The following OR2L2 variants were observed in gnomAD, a reference collection of about 807,000 sequenced individuals.
OR2L2 encodes the protein olfactory receptor family 2 subfamily L member 2.
For synonymous variants in OR2L2, 156 were observed against 135.4 expected (o/e 1.15, Z -1.06); for missense variants, 378 against 375.2 (o/e 1.01, Z -0.06).
intron 1 of OR2L2, among the ~76,000 whole-genome samples, chr1:248,031,245 T>C (rs1181991432): frequency 6.6e-6 from 1 of 152,212 alleles, no homozygotes; most frequent in Non-Finnish European, 1.5e-5. Context: ...GCTCTATTTT[T>C]TCTAACAATA....
chr1:248,031,256 A>G (rs1404769686), intron 1 of OR2L2, among the ~76,000 whole-genome samples: 1 of 152,188 alleles, frequency 6.6e-6, no homozygotes, highest in African/African-American at 2.4e-5. Flanking sequence ...TCTAACAATA[A>G]TATTATATGG....
In OR2L2 at chr1:248,038,410, TC is replaced by T. The variant is rs748543203; in HGVS notation, c.144del (p.Leu50TrpfsTer21). The T allele has an allele frequency of 9.3e-6, 15 of 1,613,730 alleles. No individual in the cohort carries two copies. The highest frequency in any genetic ancestry group is 1.3e-5 in the Non-Finnish European group (15 of 1,179,752). ...LIGNLSMILL[I>X]FLDIHLHTPM... is the part of the protein sequence containing the mutation. ...GGAAATCTATCCATGATTCTTCTCA[TC>T]TTTTTGGACATCCATCTCCACACAC... On this transcript the variant is annotated frameshift_variant, in exon 3 of 3. Coordinates refer to ENST00000641771, the MANE Select transcript of OR2L2 (RefSeq NM_001385855.1). LOFTEE classifies it low-confidence loss of function (END_TRUNC).
intron 1 of OR2L2, among the ~76,000 whole-genome samples, chr1:248,033,824 A>G (rs376202811): frequency 6.6e-6 from 1 of 152,128 alleles, no homozygotes. Context: ...TGGAAGTGGA[A>G]AAATTCAAGG....
Position 248,038,612 on chromosome 1 carries a change from A to G in OR2L2, c.345A>G (p.Thr115=), listed in dbSNP as rs368766017. 9.3e-6 allele frequency: 15 copies of G among 1,614,050 alleles called. No individual in the cohort carries two copies. The highest frequency in any genetic ancestry group is 2.2e-5 in the South Asian group (2 of 91,080). The change falls in exon 3 of 3, where the codon ACA becomes ACG. Residue 115 remains threonine, a synonymous_variant. Coordinates refer to ENST00000641771, the MANE Select transcript of OR2L2 (RefSeq NM_001385855.1). ...TLAVAEGLLL[T]SMAYDRYVAI... is the part of the protein sequence containing the mutation. ...CAGTTGCAGAAGGGCTGCTCCTGACATCAATGGCCTATGATCGTTATGTGG... is the reference window on the plus strand; with the variant it reads ...CAGTTGCAGAAGGGCTGCTCCTGACGTCAATGGCCTATGATCGTTATGTGG...
Position 248,038,905 on chromosome 1 carries a change from T to C in OR2L2, c.638T>C (p.Ile213Thr). ...TIFLVLPFTG[I>T]ACSYGRVLLA... is the part of the protein sequence containing the mutation. ...TTTCTTGTGCTTCCTTTCACTGGTA[T>C]TGCATGTTCCTATGGCCGGGTTCTC... The change falls in exon 3 of 3, where the codon ATT (isoleucine) becomes ACT (threonine). Residue 213 changes from isoleucine (I) to threonine (T), a missense_variant. Coordinates refer to ENST00000641771, the MANE Select transcript of OR2L2 (RefSeq NM_001385855.1). 6.2e-7 allele frequency: 1 copy of C among 1,614,148 alleles called. No homozygotes were observed. Among genetic ancestry groups the C allele is most frequent in the Non-Finnish European group, 8.5e-7 (1 of 1,180,008 alleles).
chr1:248,033,614 T>G (rs1662679165), intron 1 of OR2L2, among the ~76,000 whole-genome samples: 1 of 151,876 alleles, frequency 6.6e-6, no homozygotes, highest in African/African-American at 2.4e-5. Flanking sequence ...TTTTTGTTTT[T>G]TTTTTTTTGT....
intron 1 of OR2L2, among the ~76,000 whole-genome samples, chr1:248,031,984 CAAATAATAG>C (rs1307858730): frequency 6.6e-6 from 1 of 151,974 alleles, no homozygotes; most frequent in Non-Finnish European, 1.5e-5. Flanking sequence ...ATATAAAATA[CAAATAATAG>C]AAATGTTTGG....
In OR2L2 at chr1:248,039,156, A is replaced by T; in HGVS notation, c.889A>T (p.Met297Leu). 1 of 1,613,446 alleles carries T rather than the reference A, an allele frequency of 6.2e-7. No individual in the cohort carries two copies. Among genetic ancestry groups the T allele is most frequent in the South Asian group, 1.1e-5 (1 of 91,014 alleles). The change falls in exon 3 of 3, where the codon ATG (methionine) becomes TTG (leucine). Residue 297 changes from methionine (M) to leucine (L), a missense_variant. Physicochemically the swap from Met to Leu is conservative, Grantham distance 15 (BLOSUM62 2). Transcript: ENST00000641771. Reference protein sequence around the residue: ...IIYSLRNKEVMGALTQVIQKI... With the variant: ...IIYSLRNKEVLGALTQVIQKI... ...CTACAGCCTGAGAAACAAGGAGGTG[A>T]TGGGGGCCCTGACACAAGTGATTCA...
At chr1:248,036,705 G>T (rs1427352231) in intron 2 of OR2L2, among the ~76,000 whole-genome samples, 1 of 152,088 alleles carries the variant, frequency 6.6e-6, no homozygotes, top group Non-Finnish European at 1.5e-5. Context: ...CTTCTATCTG[G>T]AGAAGAATAC....
chr1:248,035,771 T>A (rs910058824), intron 2 of OR2L2, 147 bp downstream of exon 2: 8 of 152,208 alleles, frequency 5.3e-5, no homozygotes, highest in African/African-American at 1.9e-4. Context: ...AGTGACCTGC[T>A]TCCCCCAACA....
In OR2L2 at chr1:248,038,367, T is replaced by C. The variant is rs1427789322; in HGVS notation, c.100T>C (p.Phe34Leu). Residue 34 changes from phenylalanine to leucine, a missense_variant, in exon 3 of 3, where the codon TTC becomes CTC. By Grantham distance (22) the Phe-to-Leu change is conservative (BLOSUM62 0). Transcript: ENST00000641771. ...LFVFTLIFLI[F>L]LMALIGNLSM... ...CGTATTCACCCTCATTTTTCTCATT[T>C]TCCTAATGGCTCTAATTGGAAATCT... 1.2e-6 allele frequency: 2 copies of C among 1,613,470 alleles called. No homozygotes were observed. Among genetic ancestry groups the C allele is most frequent in the Non-Finnish European group, 1.7e-6 (2 of 1,179,538 alleles).
chr1:248,035,361 A>C (rs1662730951), intron 1 of OR2L2, among the ~76,000 whole-genome samples, 189 bp from the exon 2 acceptor site: 1 of 152,086 alleles, frequency 6.6e-6, no homozygotes, highest in Non-Finnish European at 1.5e-5. Context: ...AGGCAGGAGA[A>C]TGGAGTGAAC....
chr1:248,038,491 C>T lies in OR2L2; in HGVS notation c.224C>T (p.Thr75Ile), dbSNP rs1662831490. 6.2e-7 allele frequency: 1 copy of T among 1,613,824 alleles called. No individual in the cohort carries two copies. The highest frequency in any genetic ancestry group is 8.5e-7 in the Non-Finnish European group (1 of 1,179,738). Residue 75 changes from threonine to isoleucine, a missense_variant, in exon 3 of 3, where the codon ACC (threonine) becomes ATC (isoleucine). Coordinates refer to ENST00000641771, the MANE Select transcript of OR2L2 (RefSeq NM_001385855.1). ...LSLIDLNYISTIVPKMVYDFL... is the reference protein window; with the variant it reads ...LSLIDLNYISIIVPKMVYDFL... The stretch of plus-strand genomic sequence containing the variant: ...CTCATTGACCTAAATTACATCTCCA[C>T]CATTGTTCCAAAGATGGTTTATGAT...
At position 248,038,728 on chromosome 1, in the gene OR2L2, A is replaced by G; in HGVS notation, c.461A>G (p.Asn154Ser). 1 of 1,613,798 alleles carries G rather than the reference A, an allele frequency of 6.2e-7. No homozygotes were observed. The highest frequency in any genetic ancestry group is 8.5e-7 in the Non-Finnish European group (1 of 1,179,946). Residue 154 changes from asparagine to serine, a missense_variant, in exon 3 of 3, where the codon AAC (asparagine) becomes AGC (serine). By Grantham distance (46) the Asn-to-Ser change is conservative (BLOSUM62 1). Transcript: ENST00000641771. ...GGATCTTGGATGATAAGCTCTATCA[A>G]CTCTTGTGCTCACACAGTATATGCA... is the stretch of plus-strand genomic sequence containing the variant. ...ITGSWMISSI[N>S]SCAHTVYALC...
Position 248,038,762 on chromosome 1 carries a change from C to T in OR2L2, c.495C>T (p.Ile165=). The T allele has an allele frequency of 2.5e-6, 4 of 1,614,112 alleles. No individual in the cohort carries two copies. The highest frequency in any genetic ancestry group is 3.4e-6 in the Non-Finnish European group (4 of 1,180,006). Reference sequence around the variant, plus strand: ...CTCACACAGTATATGCACTCTGTATCCCATATTGCAAGTCCAGAGCCATCA... The same window carrying T: ...CTCACACAGTATATGCACTCTGTATTCCATATTGCAAGTCCAGAGCCATCA... ...SCAHTVYALC[I]PYCKSRAINH... Residue 165 remains isoleucine, a synonymous_variant, in exon 3 of 3, where the codon ATC becomes ATT. Coordinates refer to ENST00000641771, the MANE Select transcript of OR2L2 (RefSeq NM_001385855.1).
At chr1:248,034,895 T>A (rs1374359152) in intron 1 of OR2L2, among the ~76,000 whole-genome samples, 1 of 152,248 alleles carries the variant, frequency 6.6e-6, no homozygotes, top group Non-Finnish European at 1.5e-5. Context: ...TGGCTGTTGA[T>A]GTTGCATGCT....
intron 2 of OR2L2, among the ~76,000 whole-genome samples, chr1:248,036,809 T>C (rs369192423): frequency 6.6e-6 from 1 of 152,198 alleles, no homozygotes; most frequent in Admixed American, 6.5e-5. Flanking sequence ...CTTTTGAAGA[T>C]GTAAAGTGAT....
At chr1:248,035,205 CTT>C in intron 1 of OR2L2, among the ~76,000 whole-genome samples, 1 of 152,166 alleles carries the variant, frequency 6.6e-6, no homozygotes, top group Middle Eastern at 3.4e-3. Context: ...AATCCCAGTA[CTT>C]TGGGAGGCCG....
intron 1 of OR2L2, among the ~76,000 whole-genome samples, chr1:248,033,039 T>C (rs1276031266): frequency 6.6e-6 from 1 of 152,208 alleles, no homozygotes; most frequent in East Asian, 1.9e-4. Context: ...TGACTTACAA[T>C]ATTTTAACAT....
Sources: gnomAD v4.1 joint callset for allele counts (sites outside exome capture counted in the v4.1 genomes callset) on GRCh38, gnomAD v4.1.1 for gene constraint, MANE v1.5 for transcripts, NCBI Gene and HGNC (gene_info 2026-07-23, HGNC 2026-07-21) for gene names.